The following ADAMTSL4 variants were observed in gnomAD, a reference collection of about 807,000 sequenced individuals.
ADAMTSL4 encodes ADAMTS-like protein 4.
ADAMTSL4 carries 97 observed loss-of-function variants against 122.8 expected under a neutral mutation model. That is an observed-to-expected ratio of 0.79 (90% CI 0.67 to 0.93). The LOEUF is 0.93. Ranked by LOEUF, ADAMTSL4 falls within the 40% of genes least tolerant of loss-of-function variation. ADAMTSL4 has a pLI of 0.00. For missense variants in ADAMTSL4, 1,408 were observed against 1,453.5 expected (o/e 0.97, Z 0.51); for synonymous variants, 592 against 568.0 (o/e 1.04, Z -0.60).
Position 150,559,318 on chromosome 1 carries a change from G to GT in ADAMTSL4, c.2796dup (p.Arg933Ter). 1.2e-6 allele frequency: 2 copies of GT among 1,614,024 alleles called. No homozygotes were observed. Among genetic ancestry groups the GT allele is most frequent in the Non-Finnish European group, 1.7e-6 (2 of 1,179,994 alleles). On this transcript the variant is annotated frameshift_variant, in exon 17 of 19. Coordinates refer to ENST00000271643, the MANE Select transcript of ADAMTSL4 (RefSeq NM_019032.6). LOFTEE classifies it high-confidence loss of function. The surrounding 1 kb of genome is among the most constrained non-coding windows in gnomAD (Gnocchi z 4.1). The stretch of plus-strand genomic sequence containing the variant: ...TCCGAATGTGGCTCTGGCACACAGC[G>GT]TAGAGACATCATCTGTGTATCCAAA...
chr1:150,550,295 CGTGT>C (rs1240501973), intron 2 of ADAMTSL4: 3 of 443,010 alleles, frequency 6.8e-6, no homozygotes, highest in African/African-American at 2.1e-5. Flanking sequence ...CATAAATGTG[CGTGT>C]GTTTCTGCAG....
In ADAMTSL4 at chr1:150,557,533, C is replaced by T. The variant is rs115937511; in HGVS notation, c.2087C>T (p.Ser696Leu). The T allele has an allele frequency of 9.2e-4, 1,483 of 1,612,230 alleles. 7 individuals are homozygous for T. Among genetic ancestry groups the T allele is most frequent in the African/African-American group, 8.0e-3 (599 of 75,006 alleles). The change falls in exon 13 of 19, where the codon TCG becomes TTG. Residue 696 changes from serine to leucine, a missense_variant. By Grantham distance (145) the Ser-to-Leu change is moderately radical (BLOSUM62 -2). Coordinates refer to ENST00000271643, the MANE Select transcript of ADAMTSL4 (RefSeq NM_019032.6). ...ATTTTCCTCTGCATCTCCCGTGAGTCGGGAGAGGAACTGGATGAACGCAGC... is the reference window on the plus strand; with the variant it reads ...ATTTTCCTCTGCATCTCCCGTGAGTTGGGAGAGGAACTGGATGAACGCAGC... ...RPIFLCISRE[S>L]GEELDERSCA...
chr1:150,558,111 C>T lies in ADAMTSL4; in HGVS notation c.2344C>T (p.Leu782Phe), dbSNP rs1018728958. Residue 782 changes from leucine (L) to phenylalanine (F), a missense_variant, in exon 14 of 19, where the codon CTC becomes TTC. Coordinates refer to ENST00000271643, the MANE Select transcript of ADAMTSL4 (RefSeq NM_019032.6). Reference sequence around the variant, plus strand: ...CATCACCCAGTCTTGCCAGCTGCGCCTCTGTGGCCATTGGGAAGTTGGCTC... The same window carrying T: ...CATCACCCAGTCTTGCCAGCTGCGCTTCTGTGGCCATTGGGAAGTTGGCTC... ...PNITQSCQLRLCGHWEVGSPW... is the reference protein window; with the variant it reads ...PNITQSCQLRFCGHWEVGSPW... 3 of 1,613,266 alleles carry T rather than the reference C, an allele frequency of 1.9e-6. 1 individual carries two copies. In the African/African-American group the frequency reaches 4.0e-5, roughly 22 times the overall value.
Position 150,555,851 on chromosome 1 carries a change from A to ACACACATGCATGAACACATG in ADAMTSL4, c.1371+297_1372-281dup, listed in dbSNP as rs1553912460. On this transcript the variant is annotated intron_variant, in intron 8 of 18. Transcript: ENST00000271643. ...TGCAGACACATGCACACACATGTAG[A>ACACACATGCATGAACACATG]CACACATGCATGAACACATGCACAC... 10 of 606,556 alleles carry ACACACATGCATGAACACATG rather than the reference A, an allele frequency of 1.6e-5. No homozygotes were observed. In the African/African-American group the frequency reaches 1.8e-4, roughly 11 times the overall value. 37.6% of individuals were successfully genotyped at this position (606,556 alleles called of 1,614,324 possible).
chr1:150,555,635 A>G (rs1475948971), intron 8 of ADAMTSL4, 70 bp downstream of exon 8: 66 of 1,529,854 alleles, frequency 4.3e-5, no homozygotes, highest in Non-Finnish European at 5.5e-5. Context: ...CCATATGCAT[A>G]CACATGTACA....
In ADAMTSL4 at chr1:150,552,535, G is replaced by A. The variant is rs1671531928; in HGVS notation, c.21-8G>A. On this transcript the variant is annotated splice_polypyrimidine_tract_variant and splice_region_variant and intron_variant, in intron 3 of 18. Transcript: ENST00000271643. This position sits in a 1 kb window ranked among gnomAD's most constrained non-coding sequence, Gnocchi z 4.0. ...TCTGACGTCCCTCCCCTGGCCTTTG[G>A]TTTGCAGGCCCTGGCTGTATCTGCT... 1 of 1,613,924 alleles carries A rather than the reference G, an allele frequency of 6.2e-7. No homozygotes were observed. The highest frequency in any genetic ancestry group is 1.3e-5 in the African/African-American group (1 of 74,882).
In ADAMTSL4 at chr1:150,553,102, C is replaced by A; in HGVS notation, c.283C>A (p.Leu95Ile). 1 of 1,613,468 alleles carries A rather than the reference C, an allele frequency of 6.2e-7. No homozygotes were observed. The highest frequency in any genetic ancestry group is 8.5e-7 in the Non-Finnish European group (1 of 1,179,842). The change falls in exon 5 of 19, where the codon CTC becomes ATC. Residue 95 changes from leucine (L) to isoleucine (I), a missense_variant. Physicochemically the swap from Leu to Ile is conservative, Grantham distance 5. Transcript: ENST00000271643. ...PPRPPRHPEA[L>I]LPRGQGPRPQ... ...CCGGCCCCCAAGACATCCAGAAGCC[C>A]TCCTCCCCCGGGGCCAGGGTCCCAG...
Position 150,552,398 on chromosome 1 carries a change from G to A in ADAMTSL4, c.20+90G>A. 6.5e-7 allele frequency: 1 copy of A among 1,535,708 alleles called. No homozygotes were observed. The highest frequency in any genetic ancestry group is 1.2e-5 in the South Asian group (1 of 85,154). ...GGAAGTGAGGGAAAGGGGACCACTG[G>A]GAGGGGCAGGGGAAGTGATGAGTAA... On this transcript the variant is annotated intron_variant, in intron 3 of 18. Coordinates refer to ENST00000271643, the MANE Select transcript of ADAMTSL4 (RefSeq NM_019032.6). The surrounding 1 kb of genome is among the most constrained non-coding windows in gnomAD (Gnocchi z 4.0).
rs376319833 is a variant in ADAMTSL4, at chr1:150,553,818, G to A, written c.827G>A (p.Arg276His). Residue 276 changes from arginine (R) to histidine (H), a missense_variant, in exon 6 of 19, where the codon CGT (arginine) becomes CAT (histidine). Transcript: ENST00000271643. The part of the protein sequence containing the change: ...THSLGEGGFF[R>H]ASPQPRRPSS... ...TCCTTAGGAGAAGGTGGCTTCTTCC[G>A]TGCATCCCCTCAGCCACGAAGGCCA... The A allele has an allele frequency of 7.0e-5, 113 of 1,613,706 alleles. No homozygotes were observed. The highest frequency in any genetic ancestry group is 2.0e-4 in the Admixed American group (12 of 59,988).
In ADAMTSL4 at chr1:150,558,972, AGT is replaced by A. The variant is rs748621675; in HGVS notation, c.2574_2575del (p.Cys858TrpfsTer41). ...TCTCCTCCTCCGCAGTGCTCAGCCG[AGT>A]GTGGGACGGGAATCCAGCGGCGCTC... On this transcript the variant is annotated frameshift_variant, in exon 16 of 19. Coordinates refer to ENST00000271643, the MANE Select transcript of ADAMTSL4 (RefSeq NM_019032.6). LOFTEE classifies it high-confidence loss of function. 6.2e-7 allele frequency: 1 copy of A among 1,608,820 alleles called. No individual in the cohort carries two copies. The highest frequency in any genetic ancestry group is 1.1e-5 in the South Asian group (1 of 90,326).
chr1:150,556,597 C>CGATCTCTCACCTCTGA lies in ADAMTSL4; in HGVS notation c.1577-23_1577-8dup. The CGATCTCTCACCTCTGA allele has an allele frequency of 6.2e-7, 1 of 1,613,846 alleles. No individual in the cohort carries two copies. Among genetic ancestry groups the CGATCTCTCACCTCTGA allele is most frequent in the Non-Finnish European group, 8.5e-7 (1 of 1,179,972 alleles). ...AAGGTATTATCACCCTGGAATTTCC[C>CGATCTCTCACCTCTGA]GATCTCTCACCTCTGACCCGCAGCA... On this transcript the variant is annotated intron_variant, in intron 9 of 18. Transcript: ENST00000271643. The surrounding 1 kb of genome is among the most constrained non-coding windows in gnomAD (Gnocchi z 4.1).
chr1:150,552,697 CCA>C lies in ADAMTSL4; in HGVS notation c.78+100_78+101del. 1 of 1,477,640 alleles carries C rather than the reference CCA, an allele frequency of 6.8e-7. No homozygotes were observed. The highest frequency in any genetic ancestry group is 9.3e-7 in the Non-Finnish European group (1 of 1,080,294). The allele number at this position is 1,477,640 out of a possible 1,614,324, so 91.5% of individuals were successfully genotyped here. A position where few individuals can be genotyped will look rare whatever the true frequency, so the allele number is the denominator to read the frequency against. On this transcript the variant is annotated intron_variant, in intron 4 of 18. Transcript: ENST00000271643. The surrounding 1 kb of genome is among the most constrained non-coding windows in gnomAD (Gnocchi z 4.0). The stretch of plus-strand genomic sequence containing the variant: ...TCTCTCCAGGCCACGCCTCCATTCC[CCA>C]CAGCCCACCCACCTCCCCTGCCAAC...
chr1:150,559,743 T>C lies in ADAMTSL4; in HGVS notation c.2944-18T>C, dbSNP rs771343732. 6.2e-7 allele frequency: 1 copy of C among 1,613,780 alleles called. No individual in the cohort carries two copies. The highest frequency in any genetic ancestry group is 1.1e-5 in the South Asian group (1 of 91,088). On this transcript the variant is annotated intron_variant, in intron 17 of 18. Coordinates refer to ENST00000271643, the MANE Select transcript of ADAMTSL4 (RefSeq NM_019032.6). This position sits in a 1 kb window ranked among gnomAD's most constrained non-coding sequence, Gnocchi z 4.1. Reference sequence around the variant, plus strand: ...CGGGCCTGGCAAAGGTCTGATATGATGGCTGGGGTCGCCCCAGTGTTCTCG... The same window carrying C: ...CGGGCCTGGCAAAGGTCTGATATGACGGCTGGGGTCGCCCCAGTGTTCTCG...
Position 150,557,078 on chromosome 1 carries a change from G to A in ADAMTSL4, c.1861+28G>A, listed in dbSNP as rs587750089. On this transcript the variant is annotated intron_variant, in intron 11 of 18. Transcript: ENST00000271643. ...AAGACTCTGACCCCTGCACTTGGAA[G>A]GAGGAGGGAGAGGCTGCAGGGCTGG... is the stretch of plus-strand genomic sequence containing the variant. 9.3e-6 allele frequency: 15 copies of A among 1,612,304 alleles called. No homozygotes were observed. In the South Asian group the frequency reaches 1.3e-4, roughly 14 times the overall value.
chr1:150,554,246 G>A lies in ADAMTSL4; in HGVS notation c.1132-119G>A, dbSNP rs892852494. 2.8e-6 allele frequency: 4 copies of A among 1,439,002 alleles called. No individual in the cohort carries two copies. Among genetic ancestry groups the A allele is most frequent in the Middle Eastern group, 2.4e-4 (1 of 4,190 alleles). The allele number at this position is 1,439,002 out of a possible 1,614,324, so 89.1% of individuals were successfully genotyped here. A position where few individuals can be genotyped will look rare whatever the true frequency, so the allele number is the denominator to read the frequency against. ...AGGGCCTTGGCATCTGACCACCTCA[G>A]GGCAGGGGTCTTGGAGCTCTTCCGC... is the stretch of plus-strand genomic sequence containing the variant. On this transcript the variant is annotated intron_variant, in intron 6 of 18. Transcript: ENST00000271643. This position sits in a 1 kb window ranked among gnomAD's most constrained non-coding sequence, Gnocchi z 4.0.
In ADAMTSL4 at chr1:150,553,119, G is replaced by C; in HGVS notation, c.300G>C (p.Gln100His). The change falls in exon 5 of 19, where the codon CAG becomes CAC. Residue 100 changes from glutamine (Q) to histidine (H), a missense_variant. By Grantham distance (24) the Gln-to-His change is conservative. Coordinates refer to ENST00000271643, the MANE Select transcript of ADAMTSL4 (RefSeq NM_019032.6). ...CAGAAGCCCTCCTCCCCCGGGGCCA[G>C]GGTCCCAGACCCCAGACTTCTCCAG... is the stretch of plus-strand genomic sequence containing the variant. ...RHPEALLPRG[Q>H]GPRPQTSPET... 1 of 1,613,178 alleles carries C rather than the reference G, an allele frequency of 6.2e-7. No homozygotes were observed.
chr1:150,557,469 C>T, intron 12 of ADAMTSL4, 25 bp from the exon 13 acceptor site: 2 of 1,612,918 alleles, frequency 1.2e-6, no homozygotes, highest in African/African-American at 1.3e-5. Context: ...CTCCTGCCTC[C>T]CTGGCTGCCT....
chr1:150,557,428 G>T (rs183926645), intron 12 of ADAMTSL4, 66 bp from the exon 13 acceptor site: 5 of 1,610,670 alleles, frequency 3.1e-6, no homozygotes, highest in African/African-American at 2.7e-5. Flanking sequence ...CCGACCCTGC[G>T]TCTGGGACAC....
At position 150,556,679 on chromosome 1, in the gene ADAMTSL4, T is replaced by G; in HGVS notation, c.1635T>G (p.Pro545=). 2 of 1,614,010 alleles carry G rather than the reference T, an allele frequency of 1.2e-6. No individual in the cohort carries two copies. The part of the protein sequence containing the change: ...IINGNWAVDP[P]GSYRAGGTVF... ...ATGGGAACTGGGCTGTGGATCCCCCTGGGTCCTACAGGGCCGGCGGGACCG... is the reference window on the plus strand; with the variant it reads ...ATGGGAACTGGGCTGTGGATCCCCCGGGGTCCTACAGGGCCGGCGGGACCG... Residue 545 remains proline (P), a synonymous_variant, in exon 10 of 19, where the codon CCT becomes CCG. Coordinates refer to ENST00000271643, the MANE Select transcript of ADAMTSL4 (RefSeq NM_019032.6). The surrounding 1 kb of genome is among the most constrained non-coding windows in gnomAD (Gnocchi z 4.1).
Sources: gnomAD v4.1 joint callset for allele counts on GRCh38, gnomAD v4.1.1 for gene constraint, Gnocchi (gnomAD v3.1) non-coding constraint, MANE v1.5 for transcripts, NCBI Gene and HGNC (gene_info 2026-07-23, HGNC 2026-07-21) for gene names.